Variants in ALPL observed in about 807,000 individuals in gnomAD.
ALPL encodes alkaline phosphatase, biomineralization associated.
A neutral mutation model predicts 51.3 loss-of-function variants in ALPL; 42 were observed. That is an observed-to-expected ratio of 0.82 (90% CI 0.64 to 1.06). The LOEUF is 1.06. Among genes scored for constraint, ALPL ranks in the 50% least tolerant of loss-of-function variants. ALPL has a pLI of 0.00. For synonymous variants in ALPL, 279 were observed against 296.4 expected, an observed-to-expected ratio of 0.94 and a Z score of 0.60; for missense variants, 589 against 709.4, an observed-to-expected ratio of 0.83 and a Z score of 1.93.
intron 4 of ALPL, among the ~76,000 whole-genome samples, chr1:21,561,926 C>A (rs1274385025): frequency 2.6e-5 from 4 of 152,168 alleles, no homozygotes; most frequent in African/African-American, 9.7e-5. Flanking sequence ...CTTGGCCTCC[C>A]AAAGTGCTAG....
intron 1 of ALPL, among the ~76,000 whole-genome samples, chr1:21,514,919 A>G (rs935056364): frequency 3.3e-5 from 5 of 152,088 alleles, no homozygotes; most frequent in African/African-American, 1.2e-4. Flanking sequence ...CTCCTCCCCT[A>G]GGTCTCTATG....
intron 1 of ALPL, among the ~76,000 whole-genome samples, chr1:21,540,326 C>G (rs1180312232): frequency 6.6e-6 from 1 of 152,084 alleles, no homozygotes. Flanking sequence ...TGCTGCTTCT[C>G]TCCTGCCACT....
At chr1:21,519,280 T>C (rs2800773) in intron 1 of ALPL, among the ~76,000 whole-genome samples, 107,548 of 152,164 alleles carry the variant, frequency 0.71, 38,353 homozygotes, top group Admixed American at 0.81. Flanking sequence ...ACACCTGGGG[T>C]GGGCCCTGGT....
intron 1 of ALPL, among the ~76,000 whole-genome samples, chr1:21,549,475 CT>C (rs5772952): frequency 0.11 from 15,661 of 145,402 alleles, 849 homozygotes; most frequent in Middle Eastern, 0.2. Flanking sequence ...TTTTCTTTTT[CT>C]TTTTTTTTTT....
intron 1 of ALPL, among the ~76,000 whole-genome samples, chr1:21,549,778 C>G (rs1325974909): frequency 6.6e-6 from 1 of 152,176 alleles, no homozygotes; most frequent in Non-Finnish European, 1.5e-5. Flanking sequence ...GTATATGGCT[C>G]AGAAACATTG....
intron 1 of ALPL, among the ~76,000 whole-genome samples, chr1:21,548,483 A>G (rs1021089568): frequency 6.6e-6 from 1 of 152,226 alleles, no homozygotes; most frequent in East Asian, 1.9e-4. Flanking sequence ...AGGGCTCGGG[A>G]TGCAGAGATG....
intron 1 of ALPL, among the ~76,000 whole-genome samples, chr1:21,544,221 G>A (rs1400129467): frequency 1.3e-5 from 2 of 152,248 alleles, no homozygotes; most frequent in African/African-American, 2.4e-5. Flanking sequence ...AATGTTAGAC[G>A]CCAAAGGAAA....
chr1:21,525,130 G>A (rs1213527453), intron 1 of ALPL, among the ~76,000 whole-genome samples: 1 of 152,208 alleles, frequency 6.6e-6, no homozygotes, highest in African/African-American at 2.4e-5. Context: ...AAATCCCTGG[G>A]CTGGCCTGCC....
rs569617021 is a variant in ALPL at position 21,564,668 on chromosome 1, C to T, written c.648+452C>T. On this transcript the variant is annotated intron_variant, in intron 6 of 11. Transcript: ENST00000374840. This position sits in a 1 kb window ranked among gnomAD's most constrained non-coding sequence, Gnocchi z 5.8. ...GTGCCAGCTCTCGTGTTTAAACTTC[C>T]GAGTTCCAGACCTTGCCCTGCGTGT... Among the ~76,000 whole-genome samples, 24 of 152,284 alleles carry T rather than the reference C, an allele frequency of 1.6e-4. No homozygotes were observed. Among genetic ancestry groups the T allele is most frequent in the African/African-American group, 5.8e-4 (24 of 41,566 alleles).
At chr1:21,534,829 G>A (rs1644076492) in intron 1 of ALPL, among the ~76,000 whole-genome samples, 1 of 152,124 alleles carries the variant, frequency 6.6e-6, no homozygotes, top group African/African-American at 2.4e-5. Flanking sequence ...CTGTGATTTG[G>A]GAATCACGTT....
upstream of ALPL, among the ~76,000 whole-genome samples, chr1:21,509,108 G>C (rs1034923006): frequency 6.6e-6 from 1 of 152,066 alleles, no homozygotes; most frequent in Non-Finnish European, 1.5e-5. This position sits in a 1 kb window ranked among gnomAD's most constrained non-coding sequence, Gnocchi z 6.0. Context: ...CGCGCAAGGA[G>C]CAGGTCAGAG....
Position 21,573,745 on chromosome 1 carries a change from G to A in ALPL, c.943G>A (p.Val315Met). 6.2e-7 allele frequency: 1 copy of A among 1,614,178 alleles called. No homozygotes were observed. Among genetic ancestry groups the A allele is most frequent in the Non-Finnish European group, 8.5e-7 (1 of 1,180,032 alleles). The change falls in exon 9 of 12, where the codon GTG becomes ATG. Residue 315 changes from valine (V) to methionine (M), a missense_variant. Coordinates refer to ENST00000374840, the MANE Select transcript of ALPL (RefSeq NM_000478.6). ...TDPSLSEMVV[V>M]AIQILRKNPK... ...CCCGTCACTCTCCGAGATGGTGGTG[G>A]TGGCCATCCAGATCCTGCGGAAGAA...
At chr1:21,574,195 A>G in intron 9 of ALPL, 5 of 985,428 alleles carry the variant, frequency 5.1e-6, no homozygotes, top group Non-Finnish European at 6.0e-6. Flanking sequence ...AGCGCCGGCC[A>G]GGGGCCTTGC....
At chr1:21,562,398 A>G (rs1262591971) in intron 4 of ALPL, among the ~76,000 whole-genome samples, 2 of 152,158 alleles carry the variant, frequency 1.3e-5, no homozygotes, top group Admixed American at 6.5e-5. Context: ...TGTTCAAGGC[A>G]GTGTGCACTG....
intron 1 of ALPL, among the ~76,000 whole-genome samples, chr1:21,535,923 A>G (rs1644100368): frequency 6.6e-6 from 1 of 152,152 alleles, no homozygotes; most frequent in African/African-American, 2.4e-5. Context: ...CTGAGTCTCT[A>G]CTTTCTCCTC....
Position 21,576,571 on chromosome 1 carries a change from C to T in ALPL, c.1239C>T (p.Ile413=). ...CAGACAAGAAGCCCTTCACTGCCAT[C>T]CTGTATGGCAATGGGCCTGGCTACA... ...SDTDKKPFTA[I]LYGNGPGYKV... is the part of the protein sequence containing the mutation. Residue 413 remains isoleucine (I), a synonymous_variant, in exon 11 of 12, where the codon ATC becomes ATT. Transcript: ENST00000374840. The T allele has an allele frequency of 1.2e-6, 2 of 1,613,974 alleles. No individual in the cohort carries two copies. The highest frequency in any genetic ancestry group is 2.2e-5 in the East Asian group (1 of 44,860).
At position 21,575,738 on chromosome 1, in the gene ALPL, A is replaced by G; in HGVS notation, c.1003A>G (p.Arg335Gly). The G allele has an allele frequency of 6.2e-7, 1 of 1,614,130 alleles. No homozygotes were observed. The highest frequency in any genetic ancestry group is 8.5e-7 in the Non-Finnish European group (1 of 1,180,016). Residue 335 changes from arginine (R) to glycine (G), a missense_variant, in exon 10 of 12, where the codon AGA (arginine) becomes GGA (glycine). By Grantham distance (125) the Arg-to-Gly change is moderately radical. Coordinates refer to ENST00000374840, the MANE Select transcript of ALPL (RefSeq NM_000478.6). ...CTTTGCCTTGGTGTCCCAAGGAGGCAGAATTGACCACGGGCACCATGAAGG... is the reference window on the plus strand; with the variant it reads ...CTTTGCCTTGGTGTCCCAAGGAGGCGGAATTGACCACGGGCACCATGAAGG... ...KGFFLLVEGG[R>G]IDHGHHEGKA...
At chr1:21,538,633 G>A (rs536901632) in intron 1 of ALPL, among the ~76,000 whole-genome samples, 1 of 152,324 alleles carries the variant, frequency 6.6e-6, no homozygotes, top group South Asian at 2.1e-4. Flanking sequence ...CCTCTGCTAG[G>A]GGGAGGGGAG....
chr1:21,538,936 G>T lies in ALPL; in HGVS notation c.-104-15042G>T, dbSNP rs564189774. ...CACCTCACCTCTCCTGTAAAGTTAT[G>T]ATTATAGGAAGCCCTCCCACTGGGA... On this transcript the variant is annotated intron_variant, in intron 1 of 11. Transcript: ENST00000374840. Among the ~76,000 whole-genome samples the T allele has an allele frequency of 3.3e-5, 5 of 152,278 alleles. No individual in the cohort carries two copies. In the South Asian group the frequency reaches 1.0e-3, roughly 32 times the overall value.
Sources: gnomAD v4.1 joint callset for allele counts (sites outside exome capture counted in the v4.1 genomes callset) on GRCh38, gnomAD v4.1.1 for gene constraint, Gnocchi (gnomAD v3.1) non-coding constraint, MANE v1.5 for transcripts, NCBI Gene and HGNC (gene_info 2026-07-23, HGNC 2026-07-21) for gene names.